The following ZNF782 variants were observed in gnomAD, a reference collection of about 807,000 sequenced individuals.
ZNF782 encodes zinc finger protein 782.
A neutral mutation model predicts 13.0 loss-of-function variants in ZNF782; 12 were observed. That is an observed-to-expected ratio of 0.92 (90% CI 0.59 to 1.50). ZNF782 has a LOEUF of 1.50. Ranked by LOEUF, ZNF782 falls within the 40% of genes most tolerant of loss-of-function variation. The probability of loss-of-function intolerance (pLI) is 0.00; values close to 1 mark genes in which losing one functional copy is unlikely to be tolerated. For missense variants in ZNF782, 770 were observed against 822.9 expected (o/e 0.94, Z 0.79); for synonymous variants, 284 against 283.0 (o/e 1.00, Z -0.04).
At chr9:96,917,887 C>CGTGT in the ZNF782 span, among the ~76,000 whole-genome samples, 7,340 of 121,550 alleles carry the variant, frequency 0.06, 352 homozygotes, top group African/African-American at 0.088. Flanking sequence ...CCACCCTTGG[C>CGTGT]GTGTGTGTGT....
the ZNF782 span, among the ~76,000 whole-genome samples, chr9:96,883,511 GAGA>G: frequency 6.6e-6 from 1 of 152,088 alleles, no homozygotes; most frequent in Non-Finnish European, 1.5e-5. Flanking sequence ...GTGACAGAGA[GAGA>G]AGGTTTAGAC....
intron 5 of ZNF782, among the ~76,000 whole-genome samples, chr9:96,819,995 T>C (rs375676889): frequency 6.6e-6 from 1 of 152,186 alleles, no homozygotes; most frequent in South Asian, 2.1e-4. Flanking sequence ...TGAATATATA[T>C]ACATATTTGG....
At chr9:96,822,236 A>T (rs997504020) in intron 5 of ZNF782, among the ~76,000 whole-genome samples, 48 of 152,368 alleles carry the variant, frequency 3.2e-4, no homozygotes, top group African/African-American at 1.2e-3. Flanking sequence ...AATCAATATG[A>T]AACACCTCTC....
chr9:96,852,153 C>T (rs117305905), intron 2 of ZNF782, 148 bp from the exon 3 acceptor site: 11 of 595,756 alleles, frequency 1.8e-5, no homozygotes, highest in African/African-American at 1.7e-4. Context: ...AGAAGCACCA[C>T]GTAGAGGTGG....
intron 3 of ZNF782, among the ~76,000 whole-genome samples, chr9:96,848,003 A>T (rs1564009643): frequency 6.6e-6 from 1 of 152,378 alleles, no homozygotes; most frequent in East Asian, 1.9e-4. Flanking sequence ...GGATGCAGGG[A>T]TGGTTTAACA....
chr9:96,871,144 A>G (rs7043486), intron 1 of ZNF782, among the ~76,000 whole-genome samples: 9,787 of 152,256 alleles, frequency 0.064, 1,039 homozygotes, highest in African/African-American at 0.22. Context: ...ATAAAAAATG[A>G]TAAAACATGA....
intron 3 of ZNF782, among the ~76,000 whole-genome samples, chr9:96,851,205 AAAGT>A (rs770927795): frequency 5.4e-4 from 82 of 152,226 alleles, no homozygotes; most frequent in Non-Finnish European, 9.9e-4. Context: ...AAAAATAAAA[AAAGT>A]AAATGATTAC....
Position 96,864,131 on chromosome 9 carries a change from T to A in ZNF782, c.-456-2528A>T, listed in dbSNP as rs191195335. ...TATATAAAACGTATATATATATATT[T>A]TATATATATATACACATTTAATTCA... On this transcript the variant is annotated intron_variant, in intron 1 of 5. Coordinates refer to the ZNF782 transcript ENST00000498811. Among the ~76,000 whole-genome samples the A allele has an allele frequency of 7.5e-3, 1,107 of 148,352 alleles. 11 individuals are homozygous for A. Among genetic ancestry groups the A allele is most frequent in the African/African-American group, 0.026 (1,059 of 40,800 alleles).
rs1464186942 is a variant in ZNF782 at position 96,816,589 on chromosome 9, A to T, written c.*1334T>A. The T allele has an allele frequency of 6.6e-6, 1 of 152,242 alleles. No homozygotes were observed. The highest frequency in any genetic ancestry group is 1.5e-5 in the Non-Finnish European group (1 of 68,042). The allele number at this position is 152,242 out of a possible 1,614,324, so 9.4% of individuals were successfully genotyped here. ...GAAACAACAGTTCTGATAAAGCAATATCTAGATAAAGGCTATTACTTACCT... is the reference window on the plus strand; with the variant it reads ...GAAACAACAGTTCTGATAAAGCAATTTCTAGATAAAGGCTATTACTTACCT... On this transcript the variant is annotated 3_prime_UTR_variant, in exon 6 of 6. Coordinates refer to ENST00000481138, the MANE Select transcript of ZNF782 (RefSeq NM_001001662.3).
chr9:96,834,479 G>A (rs767316284), intron 4 of ZNF782, among the ~76,000 whole-genome samples: 1 of 152,138 alleles, frequency 6.6e-6, no homozygotes. Flanking sequence ...TTCAATGGGC[G>A]TGAGTTCTTG....
At chr9:96,846,582 TA>T (rs201488959) in intron 3 of ZNF782, among the ~76,000 whole-genome samples, 1 of 151,192 alleles carries the variant, frequency 6.6e-6, no homozygotes, top group East Asian at 1.9e-4. Flanking sequence ...AGAAAATCAG[TA>T]AAAAAAAGAC....
At chr9:96,839,036 C>A (rs918557512) in intron 4 of ZNF782, among the ~76,000 whole-genome samples, 2 of 152,078 alleles carry the variant, frequency 1.3e-5, no homozygotes, top group East Asian at 1.9e-4. Context: ...TTTTTACTGT[C>A]AGTTGGTAGG....
At chr9:96,853,455 C>G (rs1851561224) in intron 1 of ZNF782, among the ~76,000 whole-genome samples, 2 of 152,188 alleles carry the variant, frequency 1.3e-5, no homozygotes, top group Non-Finnish European at 2.9e-5. Context: ...TCCCACCTCG[C>G]AAGGGCTGCT....
chr9:96,910,646 CTTTTTTT>C, the ZNF782 span, among the ~76,000 whole-genome samples: 1 of 149,376 alleles, frequency 6.7e-6, no homozygotes, highest in Non-Finnish European at 1.5e-5. Flanking sequence ...TTTCTTTTTT[CTTTTTTT>C]TGAGGCAGAG....
rs115640214 is a variant in ZNF782 at position 96,840,453 on chromosome 9, C to A, written c.142+4437G>T. 5.1e-3 allele frequency among the ~76,000 whole-genome samples: 772 copies of A among 152,040 alleles called. 10 individuals carry two copies. The highest frequency in any genetic ancestry group is 0.018 in the African/African-American group (754 of 41,488). ...AAAAAGAGAGTTCAGTGAACCCCTC[C>A]CCTCATGTATCCTTCACCCAGCTTC... On this transcript the variant is annotated intron_variant, in intron 4 of 5. Transcript: ENST00000481138.
At chr9:96,855,636 T>C (rs889947765), upstream of ZNF782, among the ~76,000 whole-genome samples, 2 of 152,226 alleles carry the variant, frequency 1.3e-5, no homozygotes, top group Non-Finnish European at 2.9e-5. Flanking sequence ...CATACCACAG[T>C]TTCTTTATCC....
Position 96,853,583 on chromosome 9 carries a change from G to C in ZNF782, c.-262+505C>G, listed in dbSNP as rs375927419. Among the ~76,000 whole-genome samples, 82 of 152,318 alleles carry C rather than the reference G, an allele frequency of 5.4e-4. 5 individuals carry two copies. In the South Asian group the frequency reaches 0.017, roughly 31 times the overall value. On this transcript the variant is annotated intron_variant, in intron 1 of 5. Coordinates refer to ENST00000481138, the MANE Select transcript of ZNF782 (RefSeq NM_001001662.3). ...CACCCTGACAATGCAGAAGGGGCCA[G>C]GAACCTGTCTGACCCAAGAGATCTG...
rs967612756 is a variant in ZNF782 at position 96,826,735 on chromosome 9, A to G, written c.244+345T>C. 2.0e-5 allele frequency among the ~76,000 whole-genome samples: 3 copies of G among 152,280 alleles called. No homozygotes were observed. The East Asian group carries it at 5.8e-4, about 29-fold the overall frequency. ...CACAAACAATATGATAGGGAACACC[A>G]GTTTTCCATCTCACAGTCTGTAATT... On this transcript the variant is annotated intron_variant, in intron 5 of 5. Coordinates refer to ENST00000481138, the MANE Select transcript of ZNF782 (RefSeq NM_001001662.3).
chr9:96,931,834 C>G, the ZNF782 span: 5 of 1,612,358 alleles, frequency 3.1e-6, no homozygotes, highest in Non-Finnish European at 4.2e-6. Flanking sequence ...GGCCGCCCCT[C>G]GTGACTGCAG....
Sources: gnomAD v4.1 joint callset for allele counts (sites outside exome capture counted in the v4.1 genomes callset) on GRCh38, gnomAD v4.1.1 for gene constraint, MANE v1.5 for transcripts, NCBI Gene and HGNC (gene_info 2026-07-23, HGNC 2026-07-21) for gene names.